The following NBPF12 variants were observed in gnomAD, a reference collection of about 807,000 sequenced individuals.
NBPF12 encodes the protein NBPF family member NBPF12.
Under a neutral mutation model 146.4 loss-of-function variants are expected in NBPF12, and 115 were observed. The ratio of observed to expected loss-of-function variants is 0.79; its 90% confidence interval spans 0.68 to 0.92. NBPF12 has a LOEUF of 0.92. Ranked by LOEUF, NBPF12 falls within the 40% of genes least tolerant of loss-of-function variation. NBPF12 has a pLI of 0.00. For missense variants in NBPF12, 1,205 were observed against 1,326.8 expected, an observed-to-expected ratio of 0.91 and a Z score of 1.43; for synonymous variants, 385 against 508.9, an observed-to-expected ratio of 0.76 and a Z score of 3.28.
chr1:146,948,595 C>T (rs1485723974), upstream of NBPF12, among the ~76,000 whole-genome samples: 1 of 152,016 alleles, frequency 6.6e-6, no homozygotes, highest in Non-Finnish European at 1.5e-5. Context: ...TACCCAGAGA[C>T]ACTACACTGC....
chr1:146,989,444 T>C, intron 27 of NBPF12, 130 bp from the exon 31 acceptor site: 3 of 1,005,586 alleles, frequency 3.0e-6, no homozygotes, highest in East Asian at 2.4e-5. Context: ...AGGCAATAAT[T>C]TGTTACCTCA....
intron 27 of NBPF12, 88 bp from the exon 31 acceptor site, chr1:146,989,486 A>G: frequency 1.6e-6 from 2 of 1,253,080 alleles, no homozygotes; most frequent in East Asian, 2.3e-5. Flanking sequence ...TTTTCTAACC[A>G]CTTCCTTATG....
chr1:146,969,716 C>T (rs1656454542), intron 11 of NBPF12, 120 bp downstream of exon 14: 2 of 1,560,100 alleles, frequency 1.3e-6, no homozygotes, highest in African/African-American at 1.4e-5. Flanking sequence ...CATGTGTGGC[C>T]ATGACATGAC....
In NBPF12 at chr1:146,963,467, G is replaced by A. The variant is rs1417796642; in HGVS notation, c.493+158G>A. ...GGACTTCCTGGGTAAGAACAGAAAT[G>A]GGAAACCCATGGGTTTGGAGGTCCC... is the stretch of plus-strand genomic sequence containing the variant. On this transcript the variant is annotated intron_variant, in intron 6 of 33. Coordinates refer to ENST00000617844, the Ensembl canonical transcript of NBPF12. 8.6e-3 allele frequency among the ~76,000 whole-genome samples: 1,313 copies of A among 152,170 alleles called. 30 individuals are homozygous for A. The highest frequency in any genetic ancestry group is 0.03 in the African/African-American group (1,257 of 41,422).
At chr1:146,978,081 C>G (rs1350060858) in intron 18 of NBPF12, among the ~76,000 whole-genome samples, 1 of 151,598 alleles carries the variant, frequency 6.6e-6, no homozygotes, top group Non-Finnish European at 1.5e-5. Context: ...CTTCACTGCT[C>G]TCAGCTTTCA....
exon 10 of NBPF12, chr1:146,968,456 G>A: frequency 1.9e-6 from 3 of 1,607,852 alleles, no homozygotes; most frequent in Non-Finnish European, 2.6e-6. Context: ...AGAATATGAA[G>A]AGTGCAAAGA....
chr1:146,982,683 G>A (rs1413469410), intron 19 of NBPF12, among the ~76,000 whole-genome samples: 8 of 149,934 alleles, frequency 5.3e-5, no homozygotes, highest in Non-Finnish European at 1.0e-4. Context: ...GGAGAGTCTG[G>A]GTGCCCTGAG....
chr1:146,984,471 C>A (rs1211758176), intron 21 of NBPF12, among the ~76,000 whole-genome samples: 1 of 149,992 alleles, frequency 6.7e-6, no homozygotes, highest in African/African-American at 2.5e-5. Context: ...TTATTGAGGC[C>A]ATGCTTTTCA....
intron 1 of NBPF12, among the ~76,000 whole-genome samples, chr1:146,939,537 G>T: frequency 6.6e-6 from 1 of 152,052 alleles, no homozygotes; most frequent in Admixed American, 6.5e-5. Context: ...ATTAACCACA[G>T]GATTTCTGGT....
chr1:146,996,010 A>T (rs1430668210), exon 34 of NBPF12: 1 of 148,576 alleles, frequency 6.7e-6, no homozygotes, highest in Non-Finnish European at 1.5e-5. Flanking sequence ...GCTGTTGCAA[A>T]AAGAAGAAAA....
chr1:146,984,660 T>A (rs1657630588), intron 21 of NBPF12, among the ~76,000 whole-genome samples, 153 bp from the exon 25 acceptor site: 1 of 144,284 alleles, frequency 6.9e-6, no homozygotes, highest in South Asian at 2.2e-4. Context: ...GGCCCTAGTC[T>A]ATCACAACAT....
At chr1:146,964,603 G>C (rs1656072841) in intron 7 of NBPF12, among the ~76,000 whole-genome samples, 174 bp downstream of exon 10, 1 of 151,876 alleles carries the variant, frequency 6.6e-6, no homozygotes, top group Admixed American at 6.6e-5. Flanking sequence ...TTCTCTATGT[G>C]TGCCAAGTGT....
At chr1:146,992,474 G>T (rs1411256141) in intron 31 of NBPF12, among the ~76,000 whole-genome samples, 3,292 of 93,638 alleles carry the variant, frequency 0.035, 8 homozygotes, top group African/African-American at 0.047. Context: ...GTGTGTGTGT[G>T]TGTGTGTGTG....
Position 146,960,279 on chromosome 1 carries a change from C to T in NBPF12, c.136C>T (p.Gln46Ter), listed in dbSNP as rs1399397647. The change falls in exon 4 of 34, where the codon CAA becomes TAA. Residue 46 changes from glutamine to a stop codon, truncating the protein, a stop_gained. Transcript: ENST00000617844. LOFTEE classifies it high-confidence loss of function. ...CCTCAAAGAGAGATGTTTTCTAACT[C>T]AACTGGCCGGCTTCCTGGCCAACCG... The T allele has an allele frequency of 5.8e-6, 8 of 1,381,834 alleles. No individual in the cohort carries two copies. The highest frequency in any genetic ancestry group is 8.1e-6 in the Non-Finnish European group (8 of 987,332). The allele number at this position is 1,381,834 out of a possible 1,614,324, so 85.6% of individuals were successfully genotyped here.
intron 1 of NBPF12, among the ~76,000 whole-genome samples, chr1:146,941,498 G>A (rs1457388561): frequency 3.4e-5 from 5 of 146,100 alleles, no homozygotes; most frequent in African/African-American, 1.3e-4. Flanking sequence ...GCTCATGCCT[G>A]TAATCCCAGC....
chr1:146,972,149 C>G (rs1199457016), intron 13 of NBPF12, among the ~76,000 whole-genome samples: 1 of 150,172 alleles, frequency 6.7e-6, no homozygotes, highest in Admixed American at 6.6e-5. Flanking sequence ...AATCCCAGCA[C>G]TTTGGGAGGC....
At chr1:146,970,905 A>C (rs1417143353) in intron 12 of NBPF12, among the ~76,000 whole-genome samples, 186 bp downstream of exon 15, 1 of 151,368 alleles carries the variant, frequency 6.6e-6, no homozygotes, top group African/African-American at 2.5e-5. Flanking sequence ...GCCAAGTGTC[A>C]TGTCTGTACC....
Position 146,970,725 on chromosome 1 carries a change from A to G in NBPF12, c.1379+6A>G. ...CTGGAATCATCTTCCCCCAGGTGAC[A>G]CTGAATACTCAGGAGCAAGTAATGG... On this transcript the variant is annotated splice_donor_region_variant and intron_variant, in intron 12 of 33. Coordinates refer to ENST00000617844, the Ensembl canonical transcript of NBPF12. 9 of 1,350,540 alleles carry G rather than the reference A, an allele frequency of 6.7e-6. No homozygotes were observed. Among genetic ancestry groups the G allele is most frequent in the Non-Finnish European group, 9.5e-6 (9 of 942,418 alleles). 83.7% of individuals were successfully genotyped at this position (1,350,540 alleles called of 1,614,324 possible).
chr1:146,986,527 G>GAGTA lies in NBPF12; in HGVS notation c.3064+4_3064+7dup, dbSNP rs1340946550. ...TGGCTTGGCTCTTGACGTGGACAGT[G>GAGTA]AGTACCTTACTATGAAGGTGATAAG... is the stretch of plus-strand genomic sequence containing the variant. On this transcript the variant is annotated splice_donor_region_variant and intron_variant, in intron 24 of 33. Coordinates refer to ENST00000617844, the Ensembl canonical transcript of NBPF12. The GAGTA allele has an allele frequency of 1.6e-5, 12 of 750,906 alleles. No individual in the cohort carries two copies. In the Admixed American group the frequency reaches 2.2e-4, roughly 14 times the overall value. The allele number at this position is 750,906 out of a possible 1,614,324, so 46.5% of individuals were successfully genotyped here.
Sources: gnomAD v4.1 joint callset for allele counts (sites outside exome capture counted in the v4.1 genomes callset) on GRCh38, gnomAD v4.1.1 for gene constraint, MANE v1.5 for transcripts, NCBI Gene and HGNC (gene_info 2026-07-23, HGNC 2026-07-21) for gene names.